The following CACNA1D variants were observed in gnomAD, a reference collection of about 807,000 sequenced individuals.
The protein encoded by CACNA1D is calcium voltage-gated channel subunit alpha1 D, also known as voltage-dependent L-type calcium channel subunit alpha-1D.
Under a neutral mutation model 257.1 loss-of-function variants are expected in CACNA1D, and 55 were observed. That is an observed-to-expected ratio of 0.21 (90% confidence interval 0.17 to 0.27). The LOEUF (loss-of-function observed/expected upper bound fraction) is 0.27. Among genes scored for constraint, CACNA1D ranks in the 10% least tolerant of loss-of-function variants. The pLI, the probability that CACNA1D is intolerant of heterozygous loss-of-function variation, is 1.00. For synonymous variants in CACNA1D, 980 were observed against 1,014.9 expected, an observed-to-expected ratio of 0.97 and a Z score of 0.65; for missense variants, 1,876 against 2,784.0, an observed-to-expected ratio of 0.67 and a Z score of 7.34.
At chr3:53,616,142 T>A (rs950549394) in intron 3 of CACNA1D, among the ~76,000 whole-genome samples, 7 of 152,176 alleles carry the variant, frequency 4.6e-5, no homozygotes, top group African/African-American at 1.7e-4. Context: ...GTTGGGATGG[T>A]GCAGGTGAAG....
chr3:53,776,507 C>T (rs2095398148), intron 35 of CACNA1D, 96 bp from the exon 36 acceptor site: 17 of 1,435,616 alleles, frequency 1.2e-5, no homozygotes, highest in Admixed American at 1.8e-5. Flanking sequence ...GACATGGGTT[C>T]CCATGTTTCA....
rs562314010 is a variant in CACNA1D, at chr3:53,803,307, C to T, written c.5436-116C>T. 729 of 1,106,660 alleles carry T rather than the reference C, an allele frequency of 6.6e-4. 2 individuals are homozygous for T. The highest frequency in any genetic ancestry group is 7.3e-4 in the Non-Finnish European group (533 of 730,330). The allele number at this position is 1,106,660 out of a possible 1,614,324, so 68.6% of individuals were successfully genotyped here. A position where few individuals can be genotyped will look rare whatever the true frequency, so the allele number is the denominator to read the frequency against. On this transcript the variant is annotated intron_variant, in intron 43 of 47. Transcript: ENST00000350061. ...TCCAGTGCTGCCTGAGGCAGGTGCG[C>T]GCTGGGAGAAGCCAGGAGCACCCGG...
Position 53,811,293 on chromosome 3 carries a change from C to T in CACNA1D, c.6373C>T (p.Arg2125Trp), listed in dbSNP as rs373663753. 42 of 1,613,650 alleles carry T rather than the reference C, an allele frequency of 2.6e-5. No individual in the cohort carries two copies. The highest frequency in any genetic ancestry group is 5.0e-5 in the Admixed American group (3 of 59,988). The part of the protein sequence containing the change: ...ANGDVGPLSH[R>W]QDYELQDFGP... Reference sequence around the variant, plus strand: ...CGGGGATGTGGGCCCCCTCTCACACCGGCAGGACTATGAGCTACAGGACTT... The same window carrying T: ...CGGGGATGTGGGCCCCCTCTCACACTGGCAGGACTATGAGCTACAGGACTT... The change falls in exon 48 of 48, where the codon CGG becomes TGG. Residue 2125 changes from arginine to tryptophan, a missense_variant. Arg to Trp is a moderately radical substitution (Grantham distance 101). Coordinates refer to ENST00000350061, the MANE Select transcript of CACNA1D (RefSeq NM_001128840.3). The surrounding 1 kb of genome is among the most constrained non-coding windows in gnomAD (Gnocchi z 4.2).
intron 11 of CACNA1D, among the ~76,000 whole-genome samples, chr3:53,720,405 A>C (rs930467433): frequency 6.6e-6 from 1 of 152,242 alleles, no homozygotes. Context: ...AACAGAAAAC[A>C]AACAGATAAA....
chr3:53,719,730 T>G, intron 10 of CACNA1D, 25 bp from the exon 11 acceptor site: 1 of 1,611,632 alleles, frequency 6.2e-7, no homozygotes, highest in Non-Finnish European at 8.5e-7. Context: ...AACCAGAATC[T>G]TAACACTTTT....
chr3:53,618,555 C>G (rs1417877047), intron 3 of CACNA1D, among the ~76,000 whole-genome samples: 1 of 152,212 alleles, frequency 6.6e-6, no homozygotes, highest in Non-Finnish European at 1.5e-5. Flanking sequence ...CACACTCACA[C>G]TGCAGCCTCC....
At chr3:53,735,337 T>C (rs774829693) in intron 19 of CACNA1D, 37 bp from the exon 20 acceptor site, 10 of 1,608,390 alleles carry the variant, frequency 6.2e-6, no homozygotes, top group African/African-American at 1.3e-5. Flanking sequence ...TTCCACCCTA[T>C]CTGGGACTGT....
intron 3 of CACNA1D, among the ~76,000 whole-genome samples, chr3:53,629,945 T>G (rs2093803962): frequency 6.6e-6 from 1 of 152,184 alleles, no homozygotes; most frequent in Non-Finnish European, 1.5e-5. Context: ...ATGGCAAGCA[T>G]GGTAAAAAGC....
Position 53,813,602 on chromosome 3 carries a change from A to G in CACNA1D, c.*2196A>G, listed in dbSNP as rs1289698540. The G allele has an allele frequency of 1.3e-5, 2 of 152,254 alleles. No homozygotes were observed. The highest frequency in any genetic ancestry group is 4.8e-5 in the African/African-American group (2 of 41,454). The allele number at this position is 152,254 out of a possible 1,614,324, so 9.4% of individuals were successfully genotyped here. A position where few individuals can be genotyped will look rare whatever the true frequency, so the allele number is the denominator to read the frequency against. On this transcript the variant is annotated 3_prime_UTR_variant, in exon 48 of 48. Coordinates refer to ENST00000350061, the MANE Select transcript of CACNA1D (RefSeq NM_001128840.3). ...CAGACCAGGACCCTAAGTGTCTGAT[A>G]GAGGCGATGATCTTTTCCAAAGTCA... is the stretch of plus-strand genomic sequence containing the variant.
At chr3:53,602,451 C>A (rs1181867454) in intron 3 of CACNA1D, among the ~76,000 whole-genome samples, 1 of 152,134 alleles carries the variant, frequency 6.6e-6, no homozygotes, top group Non-Finnish European at 1.5e-5. Context: ...TATTGATTTC[C>A]TTTCTGTTGG....
chr3:53,805,265 C>T, intron 45 of CACNA1D, 119 bp downstream of exon 45: 1 of 902,604 alleles, frequency 1.1e-6, no homozygotes, highest in Non-Finnish European at 1.8e-6. Context: ...CCTTAGTCCT[C>T]AAGACCAGCC....
At chr3:53,572,782 G>T (rs2092971348) in intron 3 of CACNA1D, among the ~76,000 whole-genome samples, 1 of 152,056 alleles carries the variant, frequency 6.6e-6, no homozygotes, top group Non-Finnish European at 1.5e-5. Context: ...ACCATCCTTT[G>T]TGCCTCCAGT....
Position 53,495,867 on chromosome 3 carries a change from C to T in CACNA1D, c.67+634C>T, listed in dbSNP as rs997370053. ...CCGCTGCCGCTGTGGGGCTCCCCTC[C>T]CCAGCTCTGGCCCGGGCACCACGTG... On this transcript the variant is annotated intron_variant, in intron 1 of 47. Coordinates refer to ENST00000350061, the MANE Select transcript of CACNA1D (RefSeq NM_001128840.3). The surrounding 1 kb of genome is among the most constrained non-coding windows in gnomAD (Gnocchi z 5.1). Among the ~76,000 whole-genome samples, 26 of 152,240 alleles carry T rather than the reference C, an allele frequency of 1.7e-4. No homozygotes were observed. Among genetic ancestry groups the T allele is most frequent in the Admixed American group, 1.4e-3 (22 of 15,300 alleles).
intron 16 of CACNA1D, among the ~76,000 whole-genome samples, 170 bp downstream of exon 16, chr3:53,730,726 G>A (rs561508180): frequency 1.3e-5 from 2 of 152,368 alleles, no homozygotes; most frequent in East Asian, 1.9e-4. Context: ...GGAATCTTGG[G>A]CAGAAGCCAG....
chr3:53,684,915 G>A (rs1462642371), intron 8 of CACNA1D, among the ~76,000 whole-genome samples: 1 of 151,854 alleles, frequency 6.6e-6, no homozygotes, highest in East Asian at 1.9e-4. Context: ...GTACTAAAAA[G>A]CTAAAAGAAG....
intron 8 of CACNA1D, chr3:53,678,844 A>G (rs1219511447): frequency 6.6e-6 from 1 of 152,164 alleles, no homozygotes; most frequent in East Asian, 1.9e-4. Context: ...GATTTCTTCT[A>G]CTTGAATGGT....
chr3:53,595,760 A>G (rs956898005), intron 3 of CACNA1D, among the ~76,000 whole-genome samples: 14 of 152,096 alleles, frequency 9.2e-5, no homozygotes, highest in Non-Finnish European at 1.5e-4. Flanking sequence ...TGGTGAAAAA[A>G]ATTACAAAGG....
chr3:53,627,838 C>T (rs1191891805), intron 3 of CACNA1D, among the ~76,000 whole-genome samples: 1 of 151,958 alleles, frequency 6.6e-6, no homozygotes, highest in Non-Finnish European at 1.5e-5. Context: ...CATGGTGAAA[C>T]CCCATCTCTA....
At chr3:53,684,491 C>T (rs1170265581) in intron 8 of CACNA1D, among the ~76,000 whole-genome samples, 3 of 151,896 alleles carry the variant, frequency 2.0e-5, no homozygotes, top group Non-Finnish European at 2.9e-5. Flanking sequence ...AGAGTGGTGG[C>T]GCATGCCTGT....
Sources: allele counts gnomAD v4.1 joint callset (sites outside exome capture counted in the v4.1 genomes callset), GRCh38; gene constraint gnomAD v4.1.1; non-coding constraint Gnocchi (gnomAD v3.1); transcripts MANE v1.5; gene names NCBI Gene and HGNC (gene_info 2026-07-23, HGNC 2026-07-21).